The following FBH1 variants were observed in gnomAD, a reference collection of about 807,000 sequenced individuals.
FBH1 encodes DNA 3'-5' helicase 1.
A neutral mutation model predicts 115.5 loss-of-function variants in FBH1; 43 were observed. That is an observed-to-expected ratio of 0.37 (90% CI 0.29 to 0.48). The LOEUF (loss-of-function observed/expected upper bound fraction) is 0.48, where lower values mean the gene tolerates loss of function less well. Among genes scored for constraint, FBH1 ranks in the 20% least tolerant of loss-of-function variants. The pLI is 0.99. For synonymous variants in FBH1, 524 were observed against 507.8 expected, an observed-to-expected ratio of 1.03 and a Z score of -0.43; for missense variants, 1,001 against 1,337.3, an observed-to-expected ratio of 0.75 and a Z score of 3.92.
In FBH1 at chr10:5,923,835, A is replaced by AG. The variant is rs542277118; in HGVS notation, c.2398+145dup. 107 of 757,528 alleles carry AG rather than the reference A, an allele frequency of 1.4e-4. No individual in the cohort carries two copies. Among genetic ancestry groups the AG allele is most frequent in the South Asian group, 9.4e-4 (53 of 56,678 alleles). 46.9% of individuals were successfully genotyped at this position (757,528 alleles called of 1,614,324 possible). ...CTAGTGTTGCTGTCTTCCCATGACG[A>AG]GGGGGGTGCCTCGGGCCTCCTGTTT... On this transcript the variant is annotated intron_variant, in intron 16 of 20. Coordinates refer to ENST00000362091, the MANE Select transcript of FBH1 (RefSeq NM_178150.3). The surrounding 1 kb of genome is among the most constrained non-coding windows in gnomAD (Gnocchi z 5.7).
In FBH1 at chr10:5,915,879, C is replaced by A; in HGVS notation, c.1565+308C>A. On this transcript the variant is annotated intron_variant, in intron 9 of 20. Transcript: ENST00000362091. This position sits in a 1 kb window ranked among gnomAD's most constrained non-coding sequence, Gnocchi z 5.2. Reference sequence around the variant, plus strand: ...AAATCCTGATCAGTTGTAGGCTTTTCTTGGAAGGGAGTGAGGAAGACTCAG... The same window carrying A: ...AAATCCTGATCAGTTGTAGGCTTTTATTGGAAGGGAGTGAGGAAGACTCAG... The A allele has an allele frequency of 2.1e-6, 1 of 465,576 alleles. No individual in the cohort carries two copies. The highest frequency in any genetic ancestry group is 3.9e-6 in the Non-Finnish European group (1 of 259,032). 28.8% of individuals were successfully genotyped at this position (465,576 alleles called of 1,614,324 possible).
In FBH1 at chr10:5,909,367, A is replaced by T; in HGVS notation, c.1020+73A>T. On this transcript the variant is annotated intron_variant, in intron 5 of 20. Coordinates refer to ENST00000362091, the MANE Select transcript of FBH1 (RefSeq NM_178150.3). This position sits in a 1 kb window ranked among gnomAD's most constrained non-coding sequence, Gnocchi z 4.4. ...GAAAGTGTACTGGTGATTCAGTTCA[A>T]TTGAGGATGACTTTATATTTATTTT... 1 of 1,487,604 alleles carries T rather than the reference A, an allele frequency of 6.7e-7. No individual in the cohort carries two copies. The highest frequency in any genetic ancestry group is 9.0e-7 in the Non-Finnish European group (1 of 1,107,216). 92.2% of individuals were successfully genotyped at this position (1,487,604 alleles called of 1,614,324 possible).
intron 18 of FBH1, among the ~76,000 whole-genome samples, chr10:5,926,037 T>C (rs1486252615): frequency 2.0e-5 from 3 of 152,150 alleles, no homozygotes; most frequent in Non-Finnish European, 4.4e-5. Flanking sequence ...TCCCAAAGTG[T>C]TGGGATTGCA....
chr10:5,907,923 C>A (rs549808163), intron 3 of FBH1, among the ~76,000 whole-genome samples: 1 of 152,248 alleles, frequency 6.6e-6, no homozygotes, highest in South Asian at 2.1e-4. Context: ...GTTTTGTGGC[C>A]TAACAGGTGA....
chr10:5,906,424 A>C lies in FBH1; in HGVS notation c.545A>C (p.Gln182Pro). The C allele has an allele frequency of 6.2e-7, 1 of 1,614,210 alleles. No individual in the cohort carries two copies. Among genetic ancestry groups the C allele is most frequent in the South Asian group, 1.1e-5 (1 of 91,092 alleles). The change falls in exon 3 of 21, where the codon CAA becomes CCA. Residue 182 changes from glutamine to proline, a missense_variant. Coordinates refer to ENST00000362091, the MANE Select transcript of FBH1 (RefSeq NM_178150.3). This position sits in a 1 kb window ranked among gnomAD's most constrained non-coding sequence, Gnocchi z 7.3. ...TCTGCGGAGTCTGGTGAAACCGACC[A>C]AGATGCTGGGGACGTGGGTCCTGAT... ...RLSAESGETD[Q>P]DAGDVGPDPI...
At position 5,924,174 on chromosome 10, in the gene FBH1, T is replaced by C; in HGVS notation, c.2399-137T>C. On this transcript the variant is annotated intron_variant, in intron 16 of 20. Coordinates refer to ENST00000362091, the MANE Select transcript of FBH1 (RefSeq NM_178150.3). This position sits in a 1 kb window ranked among gnomAD's most constrained non-coding sequence, Gnocchi z 6.2. ...CCAGGGACACACAGCGAGTTAGTGA[T>C]GCAGTCAGGCCTGGAACCCGGGTCT... is the stretch of plus-strand genomic sequence containing the variant. 1.4e-6 allele frequency: 1 copy of C among 739,588 alleles called. No individual in the cohort carries two copies. The highest frequency in any genetic ancestry group is 1.7e-5 in the African/African-American group (1 of 57,168). 45.8% of individuals were successfully genotyped at this position (739,588 alleles called of 1,614,324 possible). A position where few individuals can be genotyped will look rare whatever the true frequency, so the allele number is the denominator to read the frequency against.
chr10:5,926,821 C>T (rs111885346), intron 18 of FBH1, among the ~76,000 whole-genome samples: 1,780 of 152,328 alleles, frequency 0.012, 33 homozygotes, highest in African/African-American at 0.041. Context: ...TGCACGGCCT[C>T]GGGTCTGCTG....
In FBH1 at chr10:5,902,718, C is replaced by T. The variant is rs950313636; in HGVS notation, c.2-302C>T. On this transcript the variant is annotated intron_variant, in intron 1 of 20. Transcript: ENST00000362091. ...TTCTGGGATTACAGACGTGAGCCAG[C>T]GCGCCCAGCCACAACGTTTTCTTAA... Among the ~76,000 whole-genome samples the T allele has an allele frequency of 4.6e-5, 7 of 152,184 alleles. No individual in the cohort carries two copies. The South Asian group carries it at 8.3e-4, about 18-fold the overall frequency.
chr10:5,927,590 T>G, intron 19 of FBH1, 49 bp downstream of exon 19: 1 of 1,482,232 alleles, frequency 6.7e-7, no homozygotes, highest in Non-Finnish European at 9.3e-7. Context: ...TGAATGTTAT[T>G]TAGTCTGCTT....
chr10:5,935,596 G>A lies in FBH1; in HGVS notation c.2830-860G>A, dbSNP rs1833285467. The A allele has an allele frequency of 1.3e-5, 2 of 152,256 alleles. No homozygotes were observed. The highest frequency in any genetic ancestry group is 1.3e-4 in the Admixed American group (2 of 15,288). The allele number at this position is 152,256 out of a possible 1,614,324, so 9.4% of individuals were successfully genotyped here. A position where few individuals can be genotyped will look rare whatever the true frequency, so the allele number is the denominator to read the frequency against. ...CTGTTAGTACTTGTTGGCCATAACT[G>A]GAGTGTTTGCCTGGTGGTTTTCTGT... On this transcript the variant is annotated intron_variant, in intron 19 of 20. Transcript: ENST00000362091. The surrounding 1 kb of genome is among the most constrained non-coding windows in gnomAD (Gnocchi z 5.2).
At chr10:5,893,985 T>G (rs1842874617) in intron 1 of FBH1, 2 of 985,368 alleles carry the variant, frequency 2.0e-6, no homozygotes, top group Non-Finnish European at 2.4e-6. Flanking sequence ...AGGAAAAACA[T>G]AGAACGGAAA....
In FBH1 at chr10:5,903,111, A is replaced by C; in HGVS notation, c.93A>C (p.Arg31Ser). 6.2e-7 allele frequency: 1 copy of C among 1,613,942 alleles called. No individual in the cohort carries two copies. The highest frequency in any genetic ancestry group is 2.2e-5 in the East Asian group (1 of 44,876). ...HLAVTQPFGQ[R>S]WTNRDPNHGL... ...CTGTGACCCAGCCCTTCGGTCAAAG[A>C]TGGACAAACAGAGATCCGAACCATG... Residue 31 changes from arginine to serine, a missense_variant, in exon 2 of 21, where the codon AGA (arginine) becomes AGC (serine). Transcript: ENST00000362091.
chr10:5,892,223 C>T (rs1157362244), intron 1 of FBH1, among the ~76,000 whole-genome samples: 1 of 152,186 alleles, frequency 6.6e-6, no homozygotes, highest in Non-Finnish European at 1.5e-5. Context: ...AGTCACGTCA[C>T]ATGTAGTCGT....
rs910298282 is a variant in FBH1 at position 5,895,077 on chromosome 10, T to A, written c.1+4731T>A. ...ACAGGCTGCCATTGGACCTGTCAAG[T>A]GCCTGAGTCATGTGATAATGGGCTA... is the stretch of plus-strand genomic sequence containing the variant. On this transcript the variant is annotated intron_variant, in intron 1 of 20. Transcript: ENST00000362091. This position sits in a 1 kb window ranked among gnomAD's most constrained non-coding sequence, Gnocchi z 5.0. 1.9e-6 allele frequency: 3 copies of A among 1,613,686 alleles called. No individual in the cohort carries two copies. The African/African-American group carries it at 4.0e-5, about 22-fold the overall frequency.
At position 5,936,551 on chromosome 10, in the gene FBH1, C is replaced by T; in HGVS notation, c.2925C>T (p.Asp975=). 1 of 1,614,208 alleles carries T rather than the reference C, an allele frequency of 6.2e-7. No homozygotes were observed. Among genetic ancestry groups the T allele is most frequent in the African/African-American group, 1.3e-5 (1 of 75,064 alleles). The change falls in exon 20 of 21, where the codon GAC becomes GAT. Residue 975 remains aspartate (D), a synonymous_variant. Transcript: ENST00000362091. The surrounding 1 kb of genome is among the most constrained non-coding windows in gnomAD (Gnocchi z 5.6). ...AGTGCAACAATGCCATCCCTGTTGACACCGTCCTTACCATGAAGAAGCTGC... is the reference window on the plus strand; with the variant it reads ...AGTGCAACAATGCCATCCCTGTTGATACCGTCCTTACCATGAAGAAGCTGC... ...VGQCNNAIPV[D]TVLTMKKLPI...
intron 15 of FBH1, among the ~76,000 whole-genome samples, chr10:5,922,574 C>A (rs1832376745): frequency 6.6e-6 from 1 of 152,188 alleles, no homozygotes; most frequent in Non-Finnish European, 1.5e-5. Context: ...AATCCACTTA[C>A]TAGCTGTACC....
intron 1 of FBH1, among the ~76,000 whole-genome samples, chr10:5,901,083 G>A (rs901045495): frequency 6.6e-6 from 1 of 151,874 alleles, no homozygotes; most frequent in Admixed American, 6.6e-5. Flanking sequence ...AGCAACAGAG[G>A]GAGACTCTGT....
Position 5,895,069 on chromosome 10 carries a change from C to T in FBH1, c.1+4723C>T, listed in dbSNP as rs1194599494. 6.2e-6 allele frequency: 10 copies of T among 1,612,572 alleles called. No individual in the cohort carries two copies. In the East Asian group the frequency reaches 1.1e-4, roughly 18 times the overall value. On this transcript the variant is annotated intron_variant, in intron 1 of 20. Transcript: ENST00000362091. The surrounding 1 kb of genome is among the most constrained non-coding windows in gnomAD (Gnocchi z 5.0). ...CCCGTTTCACAGGCTGCCATTGGACCTGTCAAGTGCCTGAGTCATGTGATA... is the reference window on the plus strand; with the variant it reads ...CCCGTTTCACAGGCTGCCATTGGACTTGTCAAGTGCCTGAGTCATGTGATA...
At chr10:5,896,141 G>A (rs1842990481) in intron 1 of FBH1, among the ~76,000 whole-genome samples, 3 of 152,158 alleles carry the variant, frequency 2.0e-5, no homozygotes, top group South Asian at 2.1e-4. Flanking sequence ...GGGGATAGAC[G>A]TGGTCCCTTC....
Sources: allele counts gnomAD v4.1 joint callset (sites outside exome capture counted in the v4.1 genomes callset), GRCh38; gene constraint gnomAD v4.1.1; non-coding constraint Gnocchi (gnomAD v3.1); transcripts MANE v1.5; gene names NCBI Gene and HGNC (gene_info 2026-07-23, HGNC 2026-07-21).